RBFOX1: variants seen among roughly 807,000 people sequenced by gnomAD.
RBFOX1 encodes RNA binding fox-1 homolog 1.
A neutral mutation model predicts 57.7 loss-of-function variants in RBFOX1; 8 were observed. The observed-to-expected ratio is 0.14, with a 90% CI of 0.08 to 0.25. RBFOX1 has a LOEUF of 0.25. Among genes scored for constraint, RBFOX1 ranks in the 10% least tolerant of loss-of-function variants. RBFOX1 has a pLI of 1.00. For missense variants in RBFOX1, 611 were observed against 548.5 expected (o/e 1.11, Z -1.14); for synonymous variants, 326 against 222.4 (o/e 1.47, Z -4.15).
intron 3 of RBFOX1, among the ~76,000 whole-genome samples, chr16:6,866,417 A>G (rs560352333): frequency 9.0e-4 from 137 of 151,884 alleles, no homozygotes; most frequent in Non-Finnish European, 1.0e-3. Context: ...CATCATCTCC[A>G]TGACTTCTAG....
intron 3 of RBFOX1, among the ~76,000 whole-genome samples, chr16:5,683,304 G>T (rs1248621379): frequency 6.6e-6 from 1 of 152,146 alleles, no homozygotes; most frequent in Non-Finnish European, 1.5e-5. Context: ...TTTAACCCCA[G>T]AGCATTTGTA....
intron 4 of RBFOX1, among the ~76,000 whole-genome samples, chr16:7,173,346 G>C (rs1035167851): frequency 1.3e-5 from 2 of 152,154 alleles, no homozygotes; most frequent in Non-Finnish European, 2.9e-5. Context: ...ATCCACAACA[G>C]ATGTCCTTCC....
At chr16:6,224,809 T>C (rs2097403574) in intron 1 of RBFOX1, among the ~76,000 whole-genome samples, 1 of 152,040 alleles carries the variant, frequency 6.6e-6, no homozygotes, top group Admixed American at 6.6e-5. Flanking sequence ...TCACCTGTGG[T>C]CAGGAGTTTG....
chr16:7,041,772 G>A (rs1043437616), intron 3 of RBFOX1, among the ~76,000 whole-genome samples: 1 of 152,210 alleles, frequency 6.6e-6, no homozygotes, highest in Non-Finnish European at 1.5e-5. Context: ...TTGACCCAGT[G>A]CTTCTTGTGA....
intron 3 of RBFOX1, among the ~76,000 whole-genome samples, chr16:6,659,590 T>A (rs1002413463): frequency 1.3e-5 from 2 of 152,136 alleles, no homozygotes; most frequent in African/African-American, 2.4e-5. Context: ...CTGAGATCAC[T>A]CAAGCATGAG....
At chr16:7,487,622 C>A (rs111372771) in intron 4 of RBFOX1, among the ~76,000 whole-genome samples, 3 of 152,318 alleles carry the variant, frequency 2.0e-5, no homozygotes, top group African/African-American at 7.2e-5. Context: ...TCCACTCCTG[C>A]ACCTGTTCAT....
At chr16:6,160,410 T>C (rs532317798) in intron 1 of RBFOX1, among the ~76,000 whole-genome samples, 49 of 152,262 alleles carry the variant, frequency 3.2e-4, no homozygotes, top group Admixed American at 8.5e-4. Context: ...TAAAATATAC[T>C]TGTCTAAAAT....
intron 2 of RBFOX1, among the ~76,000 whole-genome samples, chr16:6,551,094 G>A (rs1175165279): frequency 1.3e-5 from 2 of 152,164 alleles, no homozygotes; most frequent in Non-Finnish European, 2.9e-5. Context: ...ATGTGATAAT[G>A]GCTCTGCGTT....
chr16:6,557,488 T>G (rs2097121983), intron 2 of RBFOX1, among the ~76,000 whole-genome samples: 1 of 152,200 alleles, frequency 6.6e-6, no homozygotes, highest in African/African-American at 2.4e-5. Context: ...TGATTTAACA[T>G]CCTTTTTCAC....
At chr16:6,103,174 T>TC (rs2096335595) in intron 1 of RBFOX1, among the ~76,000 whole-genome samples, 2 of 152,206 alleles carry the variant, frequency 1.3e-5, no homozygotes, top group Non-Finnish European at 2.9e-5. Context: ...GCCAGTTCCA[T>TC]CCAAGTCATG....
In RBFOX1 at chr16:7,504,787, T is replaced by TTATA. The variant is rs1230576283; in HGVS notation, c.28-13348_28-13345dup. Among the ~76,000 whole-genome samples, 64 of 9,364 alleles carry TTATA rather than the reference T, an allele frequency of 6.8e-3. 7 individuals are homozygous for TTATA. The highest frequency in any genetic ancestry group is 0.022 in the African/African-American group (60 of 2,738). The allele number at this position is 9,364 out of a possible 152,430, so 6.1% of individuals were successfully genotyped here. A position where few individuals can be genotyped will look rare whatever the true frequency, so the allele number is the denominator to read the frequency against. Reference sequence around the variant, plus strand: ...TATATATATTTATATATATATATATTTATATATATATATATTTATATATAT... The same window carrying TTATA: ...TATATATATTTATATATATATATATTTATATATATATATATATATTTATATATAT... On this transcript the variant is annotated intron_variant, in intron 4 of 15. Transcript: ENST00000550418.
At chr16:5,511,588 CT>C (rs916947131) in intron 2 of RBFOX1, among the ~76,000 whole-genome samples, 1 of 152,172 alleles carries the variant, frequency 6.6e-6, no homozygotes, top group Non-Finnish European at 1.5e-5. Context: ...CTCTGTGCCT[CT>C]TTCCCCTCAA....
chr16:6,916,402 C>T (rs771750749), intron 3 of RBFOX1, among the ~76,000 whole-genome samples: 1 of 151,962 alleles, frequency 6.6e-6, no homozygotes, highest in East Asian at 1.9e-4. Flanking sequence ...GTTTTCATTT[C>T]TCTTGAATAT....
intron 3 of RBFOX1, among the ~76,000 whole-genome samples, chr16:6,899,545 A>G (rs1350887277): frequency 1.3e-5 from 2 of 152,134 alleles, no homozygotes; most frequent in African/African-American, 4.8e-5. Context: ...AGACACCTGG[A>G]TGTAGATTAC....
At position 5,844,510 on chromosome 16, in the gene RBFOX1, C is replaced by A. The variant is rs951456147; in HGVS notation, c.319-22793C>A. Among the ~76,000 whole-genome samples the A allele has an allele frequency of 8.5e-5, 13 of 152,114 alleles. 1 individual carries two copies. The highest frequency in any genetic ancestry group is 3.1e-4 in the African/African-American group (13 of 41,424). On this transcript the variant is annotated intron_variant, in intron 3 of 19. Transcript: ENST00000641259. ...ATCTGATAAATTCACGAAGCTCCTG[C>A]GTTCACCTTGGACATGTGTGTAAGT...
Position 6,853,743 on chromosome 16 carries a change from C to T in RBFOX1, c.-15-198314C>T, listed in dbSNP as rs140297093. On this transcript the variant is annotated intron_variant, in intron 3 of 15. Transcript: ENST00000550418. Reference sequence around the variant, plus strand: ...AGTAGACAATGTGATTGGGATAATGCGCCTCACTGTGCGTGGAGAGGAGCT... The same window carrying T: ...AGTAGACAATGTGATTGGGATAATGTGCCTCACTGTGCGTGGAGAGGAGCT... Among the ~76,000 whole-genome samples the T allele has an allele frequency of 1.8e-3, 270 of 152,210 alleles. 1 individual carries two copies. Among genetic ancestry groups the T allele is most frequent in the African/African-American group, 5.7e-3 (236 of 41,522 alleles).
At chr16:7,429,978 A>G (rs750915872) in intron 4 of RBFOX1, among the ~76,000 whole-genome samples, 5 of 152,196 alleles carry the variant, frequency 3.3e-5, no homozygotes, top group East Asian at 3.9e-4. Flanking sequence ...TCTCCCTGCA[A>G]TCATTGAGTT....
chr16:6,844,831 T>A (rs543690945), intron 3 of RBFOX1, among the ~76,000 whole-genome samples: 29 of 152,318 alleles, frequency 1.9e-4, no homozygotes, highest in Middle Eastern at 6.8e-3. Context: ...TTTTTCTCCA[T>A]AACCTTGCCA....
chr16:6,810,912 G>T (rs1280936513), intron 3 of RBFOX1, among the ~76,000 whole-genome samples: 1 of 152,132 alleles, frequency 6.6e-6, no homozygotes, highest in Non-Finnish European at 1.5e-5. Flanking sequence ...GGTGGAGACG[G>T]AGCCAAATCA....
Sources: allele counts gnomAD v4.1 joint callset (sites outside exome capture counted in the v4.1 genomes callset), GRCh38; gene constraint gnomAD v4.1.1; transcripts MANE v1.5; gene names NCBI Gene and HGNC (gene_info 2026-07-23, HGNC 2026-07-21).